The following CCDC171 variants were observed in gnomAD, a reference collection of about 807,000 sequenced individuals.
CCDC171 encodes coiled-coil domain containing 171.
A neutral mutation model predicts 168.2 loss-of-function variants in CCDC171; 177 were observed. The ratio of observed to expected loss-of-function variants is 1.05; its 90% CI spans 0.93 to 1.19. The LOEUF is 1.19. Ranked by LOEUF, CCDC171 falls within the 50% of genes most tolerant of loss-of-function variation. The pLI is 0.00. For synonymous variants in CCDC171, 687 were observed against 540.8 expected (o/e 1.27, Z -3.75); for missense variants, 1,991 against 1,539.0 (o/e 1.29, Z -4.91).
At chr9:15,649,452 C>G (rs900368466) in intron 7 of CCDC171, among the ~76,000 whole-genome samples, 1 of 152,008 alleles carries the variant, frequency 6.6e-6, no homozygotes, top group East Asian at 1.9e-4. Context: ...ACCATCAGAG[C>G]GAACAGGTAA....
chr9:15,920,355 G>A lies in CCDC171; in HGVS notation c.3686G>A (p.Ser1229Asn). ...TLEKEMTSHR[S>N]HIAALKSELH... ...GAGAAGGAAATGACATCTCATCGAA[G>A]TCACATTGCAGCCTTGAAATCAGAA... Residue 1229 changes from serine to asparagine, a missense_variant, in exon 25 of 26, where the codon AGT becomes AAT. Transcript: ENST00000380701. 1 of 1,610,514 alleles carries A rather than the reference G, an allele frequency of 6.2e-7. No individual in the cohort carries two copies. Among genetic ancestry groups the A allele is most frequent in the African/African-American group, 1.3e-5 (1 of 74,908 alleles).
intron 23 of CCDC171, among the ~76,000 whole-genome samples, chr9:15,859,172 G>A (rs2061455698): frequency 1.3e-5 from 2 of 151,904 alleles, no homozygotes; most frequent in Non-Finnish European, 2.9e-5. Flanking sequence ...CCTTCATTCT[G>A]TTAATGTTAT....
rs186925926 is a variant in CCDC171 at position 15,969,094 on chromosome 9, G to T, written c.3754-2515G>T. Among the ~76,000 whole-genome samples, 33 of 151,972 alleles carry T rather than the reference G, an allele frequency of 2.2e-4. 1 individual carries two copies. Among genetic ancestry groups the T allele is most frequent in the African/African-American group, 7.5e-4 (31 of 41,372 alleles). The stretch of plus-strand genomic sequence containing the variant: ...TTATTTTCCATGTTTAGGACATAAC[G>T]TCAGAAAATAGTGTGCAAAAAGTGA... On this transcript the variant is annotated intron_variant, in intron 25 of 25. Transcript: ENST00000380701.
In CCDC171 at chr9:15,623,269, G is replaced by A. The variant is rs759975543; in HGVS notation, c.678G>A (p.Glu226=). 59 of 1,556,582 alleles carry A rather than the reference G, an allele frequency of 3.8e-5. No homozygotes were observed. Among genetic ancestry groups the A allele is most frequent in the Non-Finnish European group, 5.0e-5 (57 of 1,147,662 alleles). Residue 226 remains glutamate, a splice_region_variant and synonymous_variant, in exon 7 of 26, where the codon GAG becomes GAA. Coordinates refer to ENST00000380701, the MANE Select transcript of CCDC171 (RefSeq NM_173550.4). ...TGCAAAAATGAATTATTTTCCAGGA[G>A]CAAGATACTGCTGTGCAAAATATGC... is the stretch of plus-strand genomic sequence containing the variant. ...ERRELQFIVQ[E]QDTAVQNMHK...
At chr9:15,573,489 C>G (rs763692394) in intron 3 of CCDC171, among the ~76,000 whole-genome samples, 108 of 152,152 alleles carry the variant, frequency 7.1e-4, no homozygotes, top group African/African-American at 2.2e-3. Context: ...ACCATGTTGG[C>G]TAGGCTGGTC....
intron 24 of CCDC171, among the ~76,000 whole-genome samples, chr9:15,909,196 T>C (rs78802218): frequency 7.0e-4 from 107 of 152,352 alleles, no homozygotes; most frequent in Non-Finnish European, 1.3e-3. Flanking sequence ...TAAGGCCTTC[T>C]ACCCCGTCTC....
At chr9:15,720,696 A>AT (rs1588134488) in intron 11 of CCDC171, among the ~76,000 whole-genome samples, 1 of 152,140 alleles carries the variant, frequency 6.6e-6, no homozygotes, top group African/African-American at 2.4e-5. Flanking sequence ...TTTTTAGTAT[A>AT]TTTTTTATTG....
chr9:15,651,733 C>T (rs2047540726), intron 7 of CCDC171, among the ~76,000 whole-genome samples: 1 of 152,042 alleles, frequency 6.6e-6, no homozygotes, highest in Non-Finnish European at 1.5e-5. Flanking sequence ...ATATAACCCA[C>T]TTTCTTTATT....
intron 25 of CCDC171, among the ~76,000 whole-genome samples, chr9:15,969,857 G>A (rs929808758): frequency 4.6e-5 from 7 of 152,110 alleles, no homozygotes; most frequent in African/African-American, 1.7e-4. Flanking sequence ...CAGTAAAAAT[G>A]CAGATGTGTA....
At chr9:15,678,149 G>A (rs564066539) in intron 9 of CCDC171, among the ~76,000 whole-genome samples, 18 of 151,374 alleles carry the variant, frequency 1.2e-4, no homozygotes, top group Non-Finnish European at 2.7e-4. Context: ...GACTTCAAAT[G>A]ATCTTCCTGC....
At chr9:15,841,734 T>C (rs947709543) in intron 21 of CCDC171, among the ~76,000 whole-genome samples, 4 of 151,944 alleles carry the variant, frequency 2.6e-5, no homozygotes, top group African/African-American at 9.7e-5. Context: ...AATTATCTAA[T>C]TGTTTATCTT....
intron 3 of CCDC171, among the ~76,000 whole-genome samples, chr9:16,000,196 C>G (rs1832498502): frequency 6.6e-6 from 1 of 152,202 alleles, no homozygotes; most frequent in Non-Finnish European, 1.5e-5. Flanking sequence ...AAAACATGCA[C>G]ACACATTTCC....
chr9:15,986,442 G>A lies in CCDC171; in HGVS notation n.369-34147G>A, dbSNP rs76007616. On this transcript the variant is annotated intron_variant and non_coding_transcript_variant, in intron 3 of 9. Coordinates refer to the CCDC171 transcript ENST00000486641. ...AAAGTTCTCTTTCCAGCTGATCCCC[G>A]AACTTACTTTACTAATGCAGCGGGT... is the stretch of plus-strand genomic sequence containing the variant. Among the ~76,000 whole-genome samples, 436 of 152,254 alleles carry A rather than the reference G, an allele frequency of 2.9e-3. 6 individuals are homozygous for A. The highest frequency in any genetic ancestry group is 0.01 in the African/African-American group (421 of 41,552).
At chr9:16,000,186 A>G (rs1175858027) in intron 3 of CCDC171, among the ~76,000 whole-genome samples, 4 of 152,236 alleles carry the variant, frequency 2.6e-5, no homozygotes, top group Non-Finnish European at 4.4e-5. Context: ...TGTGAAATCC[A>G]AAACATGCAC....
chr9:15,637,804 A>C (rs922272229), intron 7 of CCDC171, among the ~76,000 whole-genome samples: 5 of 152,010 alleles, frequency 3.3e-5, no homozygotes, highest in South Asian at 2.1e-4. Flanking sequence ...TGAACTCATC[A>C]TTTTTTATGG....
intron 3 of CCDC171, among the ~76,000 whole-genome samples, chr9:16,016,127 G>A (rs771810667): frequency 9.9e-5 from 15 of 152,072 alleles, no homozygotes; most frequent in Admixed American, 2.6e-4. Context: ...GTATATACCC[G>A]GAAGTAGAAA....
At chr9:16,050,487 A>G (rs925444313) in intron 1 of CCDC171, among the ~76,000 whole-genome samples, 1 of 152,184 alleles carries the variant, frequency 6.6e-6, no homozygotes, top group Non-Finnish European at 1.5e-5. Flanking sequence ...CTCCTGGCAA[A>G]TTATTTAATC....
intron 24 of CCDC171, among the ~76,000 whole-genome samples, chr9:15,891,945 A>G (rs1477355493): frequency 6.6e-6 from 1 of 152,180 alleles, no homozygotes; most frequent in Non-Finnish European, 1.5e-5. Flanking sequence ...AGGATGGGAA[A>G]GGGCCTGAAT....
At chr9:15,654,080 T>A (rs2047736117) in intron 7 of CCDC171, among the ~76,000 whole-genome samples, 1 of 152,226 alleles carries the variant, frequency 6.6e-6, no homozygotes, top group African/African-American at 2.4e-5. Flanking sequence ...TGCCTGTTAT[T>A]TTTAAATACT....
Sources: gnomAD v4.1 joint callset for allele counts (sites outside exome capture counted in the v4.1 genomes callset) on GRCh38, gnomAD v4.1.1 for gene constraint, MANE v1.5 for transcripts, NCBI Gene and HGNC (gene_info 2026-07-23, HGNC 2026-07-21) for gene names.